The following LAMB1 variants were observed in gnomAD, a reference collection of about 807,000 sequenced individuals.
LAMB1 encodes the protein laminin subunit beta-1.
LAMB1 carries 121 observed loss-of-function variants against 222.3 expected under a neutral mutation model. That is an observed-to-expected ratio of 0.54 (90% CI 0.47 to 0.63). LAMB1 has a LOEUF of 0.63. LAMB1 is among the 30% of genes least tolerant of loss of function. LAMB1 has a pLI of 0.00. For missense variants in LAMB1, 2,172 were observed against 2,240.8 expected (o/e 0.97, Z 0.62); for synonymous variants, 794 against 807.2 (o/e 0.98, Z 0.28).
chr7:107,951,245 G>T lies in LAMB1; in HGVS notation c.3372C>A (p.Asp1124Glu). 6.2e-7 allele frequency: 1 copy of T among 1,614,062 alleles called. No homozygotes were observed. Among genetic ancestry groups the T allele is most frequent in the Non-Finnish European group, 8.5e-7 (1 of 1,179,944 alleles). ...ACTCACCTCGGCACTCCACGTCGGG[G>T]TCTCCCCAGAAGAGTTCCTGGCACT... ...CSECQELFWG[D>E]PDVECRACDC... The change falls in exon 24 of 34, where the codon GAC (aspartate) becomes GAA (glutamate). Residue 1124 changes from aspartate to glutamate, a missense_variant. Transcript: ENST00000222399.
At position 107,961,352 on chromosome 7, in the gene LAMB1, G is replaced by A. The variant is rs760756676; in HGVS notation, c.1986-23C>T. On this transcript the variant is annotated intron_variant, in intron 16 of 33. Transcript: ENST00000222399. ...TATCTGCCCCCAAACAAAAAAGAAAGACAACAACGAAAGTCAACCTTCATG... is the reference window on the plus strand; with the variant it reads ...TATCTGCCCCCAAACAAAAAAGAAAAACAACAACGAAAGTCAACCTTCATG... 1.6e-5 allele frequency: 25 copies of A among 1,610,648 alleles called. No homozygotes were observed. In the Admixed American group the frequency reaches 1.7e-4, roughly 11 times the overall value.
chr7:107,992,900 A>C (rs1464749872), intron 5 of LAMB1, among the ~76,000 whole-genome samples: 1 of 152,162 alleles, frequency 6.6e-6, no homozygotes, highest in African/African-American at 2.4e-5. Flanking sequence ...GTATTTAAAA[A>C]ACAAAAAACA....
intron 2 of LAMB1, 175 bp from the exon 3 acceptor site, chr7:108,001,908 A>G: frequency 6.8e-7 from 1 of 1,463,842 alleles, no homozygotes; most frequent in Non-Finnish European, 9.1e-7. Context: ...CTGGGAAGGC[A>G]GGGACTCCGA....
intron 12 of LAMB1, among the ~76,000 whole-genome samples, chr7:107,973,352 A>G (rs1028341051): frequency 4.6e-5 from 7 of 152,260 alleles, no homozygotes; most frequent in Admixed American, 4.6e-4. Context: ...AAGAGCAAGC[A>G]GTAAAGATAC....
chr7:107,955,522 G>GCA lies in LAMB1; in HGVS notation c.2797_2798dup (p.Tyr934AlafsTer128). On this transcript the variant is annotated frameshift_variant, in exon 21 of 34. Coordinates refer to ENST00000222399, the MANE Select transcript of LAMB1 (RefSeq NM_002291.3). LOFTEE classifies it high-confidence loss of function. ...GCTGTAAAGTAACAGGATCTTGGTA[G>GCA]CAGCTCCTGGCAAACTGGCGTCCAC... The GCA allele has an allele frequency of 6.2e-7, 1 of 1,614,058 alleles. No homozygotes were observed. Among genetic ancestry groups the GCA allele is most frequent in the Non-Finnish European group, 8.5e-7 (1 of 1,179,990 alleles).
At chr7:107,926,641 T>TC (rs1345302286) in intron 31 of LAMB1, among the ~76,000 whole-genome samples, 2 of 151,900 alleles carry the variant, frequency 1.3e-5, no homozygotes, top group Non-Finnish European at 2.9e-5. Flanking sequence ...AAACCCCACC[T>TC]CCCCAAGGAG....
At chr7:107,993,825 A>G (rs990322406) in intron 5 of LAMB1, among the ~76,000 whole-genome samples, 12 of 152,138 alleles carry the variant, frequency 7.9e-5, no homozygotes, top group African/African-American at 2.9e-4. Flanking sequence ...ACCACTCTCA[A>G]TACCAGGTGT....
intron 3 of LAMB1, 36 bp from the exon 4 acceptor site, chr7:107,998,528 A>G (rs760268020): frequency 2.0e-5 from 32 of 1,580,482 alleles, no homozygotes; most frequent in Non-Finnish European, 2.8e-5. Context: ...TCTAGAAAGC[A>G]ATCTCATTAA....
Position 107,986,251 on chromosome 7 carries a change from G to T in LAMB1, c.536C>A (p.Thr179Asn). The T allele has an allele frequency of 6.2e-7, 1 of 1,614,140 alleles. No individual in the cohort carries two copies. Among genetic ancestry groups the T allele is most frequent in the Non-Finnish European group, 8.5e-7 (1 of 1,180,020 alleles). The change falls in exon 6 of 34, where the codon ACT becomes AAT. Residue 179 changes from threonine (T) to asparagine (N), a missense_variant. Physicochemically the swap from Thr to Asn is moderately conservative, Grantham distance 65. Coordinates refer to ENST00000222399, the MANE Select transcript of LAMB1 (RefSeq NM_002291.3). ...GTCATCGACTTTTTTCATGGGGCCA[G>T]TTGAAATGCCTGGAAACGAGGCCTC... is the stretch of plus-strand genomic sequence containing the variant. ...DCEASFPGIS[T>N]GPMKKVDDII... is the part of the protein sequence containing the mutation.
At chr7:107,996,958 C>A (rs1002134974) in intron 4 of LAMB1, among the ~76,000 whole-genome samples, 64 of 152,290 alleles carry the variant, frequency 4.2e-4, no homozygotes, top group African/African-American at 1.3e-3. Context: ...ACAGAAACTT[C>A]TCTTTCACAC....
At chr7:107,973,935 T>A (rs1470112661) in intron 12 of LAMB1, among the ~76,000 whole-genome samples, 1 of 152,102 alleles carries the variant, frequency 6.6e-6, no homozygotes, top group African/African-American at 2.4e-5. Flanking sequence ...TGTGAGCCAT[T>A]GTGCCCAGCC....
In LAMB1 at chr7:107,953,851, G is replaced by A. The variant is rs1420771518; in HGVS notation, c.2855-97C>T. ...ATGCCTAGAGAGAGCTGATCGTGGC[G>A]GTGCTTCATCTTCACTGCACTGTTT... On this transcript the variant is annotated intron_variant, in intron 21 of 33. Transcript: ENST00000222399. The A allele has an allele frequency of 8.7e-6, 9 of 1,034,754 alleles. No homozygotes were observed. In the Middle Eastern group the frequency reaches 6.3e-4, roughly 73 times the overall value. The allele number at this position is 1,034,754 out of a possible 1,614,324, so 64.1% of individuals were successfully genotyped here. A position where few individuals can be genotyped will look rare whatever the true frequency, so the allele number is the denominator to read the frequency against.
At chr7:107,928,063 C>A (rs1030177473) in intron 31 of LAMB1, among the ~76,000 whole-genome samples, 1 of 152,026 alleles carries the variant, frequency 6.6e-6, no homozygotes, top group African/African-American at 2.4e-5. Context: ...AAAATTGGAA[C>A]GAAAACATTA....
intron 5 of LAMB1, among the ~76,000 whole-genome samples, chr7:107,993,956 C>T (rs1473806357): frequency 1.4e-4 from 22 of 152,196 alleles, no homozygotes; most frequent in Admixed American, 1.4e-3. Flanking sequence ...CTGACTCCCA[C>T]ACCCACCCTA....
In LAMB1 at chr7:107,952,134, G is replaced by A. The variant is rs753828308; in HGVS notation, c.3169C>T (p.Leu1057Phe). The part of the protein sequence containing the change: ...CDKATGQCLC[L>F]PNVIGQNCDR... ...CAGTTCTGCCCGATCACATTAGGAA[G>A]ACACAAGCACTGACCAGTGGCTTTG... The change falls in exon 23 of 34, where the codon CTT becomes TTT. Residue 1057 changes from leucine to phenylalanine, a missense_variant. Transcript: ENST00000222399. 1.2e-6 allele frequency: 2 copies of A among 1,614,126 alleles called. No individual in the cohort carries two copies. The highest frequency in any genetic ancestry group is 2.2e-5 in the South Asian group (2 of 91,034).
At chr7:107,983,229 T>C (rs925405682) in intron 7 of LAMB1, among the ~76,000 whole-genome samples, 1 of 152,202 alleles carries the variant, frequency 6.6e-6, no homozygotes, top group African/African-American at 2.4e-5. Flanking sequence ...CAATATTCCC[T>C]GGACTTCTTC....
chr7:107,961,765 T>C, intron 15 of LAMB1, 89 bp from the exon 16 acceptor site: 1 of 1,417,600 alleles, frequency 7.1e-7, no homozygotes, highest in Non-Finnish European at 9.7e-7. Flanking sequence ...ATTGCCAAGT[T>C]GAAATGGAAA....
rs761908546 is a variant in LAMB1, at chr7:107,975,894, A to G, written c.1001-17T>C. 9 of 1,609,002 alleles carry G rather than the reference A, an allele frequency of 5.6e-6. No individual in the cohort carries two copies. The South Asian group carries it at 9.9e-5, about 18-fold the overall frequency. Reference sequence around the variant, plus strand: ...AGTTACATTCTGCGTGACAAGAGCAACGTCAAGAAAAGCTTTTTAAATCTA... The same window carrying G: ...AGTTACATTCTGCGTGACAAGAGCAGCGTCAAGAAAAGCTTTTTAAATCTA... On this transcript the variant is annotated splice_polypyrimidine_tract_variant and intron_variant, in intron 9 of 33. Transcript: ENST00000222399.
intron 3 of LAMB1, among the ~76,000 whole-genome samples, chr7:108,000,284 G>T (rs1251809509): frequency 6.6e-6 from 1 of 152,126 alleles, no homozygotes; most frequent in Non-Finnish European, 1.5e-5. Context: ...TATAAACCTG[G>T]AAGCAAATGA....
Sources: allele counts gnomAD v4.1 joint callset (sites outside exome capture counted in the v4.1 genomes callset), GRCh38; gene constraint gnomAD v4.1.1; transcripts MANE v1.5; gene names NCBI Gene and HGNC (gene_info 2026-07-23, HGNC 2026-07-21).